GSTCD: variants seen among roughly 807,000 people sequenced by gnomAD.
GSTCD encodes glutathione S-transferase C-terminal domain-containing protein.
Under a neutral mutation model 68.3 loss-of-function variants are expected in GSTCD, and 44 were observed. That is an observed-to-expected ratio of 0.64 (90% CI 0.51 to 0.83). The LOEUF is 0.83. GSTCD is among the 40% of genes least tolerant of loss of function. The pLI is 0.00. For missense variants in GSTCD, 739 were observed against 735.9 expected (o/e 1.00, Z -0.05); for synonymous variants, 273 against 255.2 (o/e 1.07, Z -0.67).
chr4:105,825,727 A>G lies in GSTCD; in HGVS notation c.1457A>G (p.Asp486Gly), dbSNP rs781710899. 2 of 1,535,712 alleles carry G rather than the reference A, an allele frequency of 1.3e-6. No homozygotes were observed. The highest frequency in any genetic ancestry group is 1.8e-6 in the Non-Finnish European group (2 of 1,109,758). ...LSLIRAKKRS[D>G]ELGLSNIWFI... Reference sequence around the variant, plus strand: ...TTAATTCGTGCTAAGAAGAGAAGTGATGAACTGGGTTTAAGCAACATTTGG... The same window carrying G: ...TTAATTCGTGCTAAGAAGAGAAGTGGTGAACTGGGTTTAAGCAACATTTGG... Residue 486 changes from aspartate to glycine, a missense_variant, in exon 8 of 12, where the codon GAT becomes GGT. Physicochemically the swap from Asp to Gly is moderately conservative, Grantham distance 94. Transcript: ENST00000515279.
chr4:105,812,007 T>C (rs1050887094), intron 5 of GSTCD, among the ~76,000 whole-genome samples: 2 of 152,184 alleles, frequency 1.3e-5, no homozygotes, highest in Admixed American at 6.5e-5. Context: ...AGGCATATAT[T>C]AAGAATGCAA....
chr4:105,726,020 A>G (rs939666817), intron 3 of GSTCD, among the ~76,000 whole-genome samples: 2 of 152,056 alleles, frequency 1.3e-5, no homozygotes, highest in African/African-American at 2.4e-5. Flanking sequence ...AAACCTAGCA[A>G]TTTGACTCTT....
intron 5 of GSTCD, among the ~76,000 whole-genome samples, chr4:105,748,391 A>G (rs1404055050): frequency 1.3e-5 from 2 of 152,158 alleles, no homozygotes; most frequent in African/African-American, 2.4e-5. Flanking sequence ...TCTCTAAGTT[A>G]TATTTAGCTT....
rs1042595346 is a variant in GSTCD, at chr4:105,755,085, A to T, written c.1240+25586A>T. Among the ~76,000 whole-genome samples the T allele has an allele frequency of 4.0e-3, 325 of 81,042 alleles. 2 individuals are homozygous for T. The highest frequency in any genetic ancestry group is 0.027 in the Middle Eastern group (4 of 148). 53.2% of individuals were successfully genotyped at this position (81,042 alleles called of 152,430 possible). On this transcript the variant is annotated intron_variant, in intron 5 of 11. Transcript: ENST00000515279. ...AAAAAAAAAAAAAAAAAAAAAAAAA[A>T]AAAAAAAAAAAAAATTAGCTGGTGT... is the stretch of plus-strand genomic sequence containing the variant.
In GSTCD at chr4:105,764,400, A is replaced by G. The variant is rs140228551; in HGVS notation, c.1240+34901A>G. ...ATGAGTGGCTGCAACAGATTTAGAG[A>G]AAGATGTGGGATAATTACTCCTCTC... On this transcript the variant is annotated intron_variant, in intron 5 of 11. Coordinates refer to ENST00000515279, the MANE Select transcript of GSTCD (RefSeq NM_001370181.1). 7.9e-3 allele frequency among the ~76,000 whole-genome samples: 1,208 copies of G among 152,296 alleles called. 12 individuals carry two copies. Among genetic ancestry groups the G allele is most frequent in the African/African-American group, 0.027 (1,113 of 41,570 alleles).
rs182008504 is a variant in GSTCD, at chr4:105,720,895, A to T, written c.894+1368A>T. 1.6e-3 allele frequency among the ~76,000 whole-genome samples: 238 copies of T among 152,318 alleles called. 1 individual carries two copies. The highest frequency in any genetic ancestry group is 6.8e-3 in the Middle Eastern group (2 of 294). On this transcript the variant is annotated intron_variant, in intron 3 of 11. Transcript: ENST00000515279. The stretch of plus-strand genomic sequence containing the variant: ...TGGCATATCCATTCCTTTATTGAAG[A>T]AATTTATTAAAATTATTTGAATACA...
chr4:105,794,813 A>G (rs544858849), intron 5 of GSTCD, among the ~76,000 whole-genome samples: 2 of 150,520 alleles, frequency 1.3e-5, no homozygotes, highest in African/African-American at 4.9e-5. Flanking sequence ...ACTTTTTATT[A>G]TTTCTGCTTT....
intron 4 of GSTCD, among the ~76,000 whole-genome samples, 198 bp downstream of exon 4, chr4:105,727,028 A>G (rs918452297): frequency 1.3e-5 from 2 of 150,026 alleles, no homozygotes; most frequent in Non-Finnish European, 3.0e-5. Context: ...TTTTAGTATT[A>G]TGTATTTTTG....
intron 5 of GSTCD, among the ~76,000 whole-genome samples, chr4:105,763,945 A>C (rs1383412589): frequency 6.7e-6 from 1 of 148,898 alleles, no homozygotes; most frequent in Non-Finnish European, 1.5e-5. Context: ...TATTGGTCAC[A>C]AAAAAAAAAG....
chr4:105,791,880 G>T (rs1735690055), intron 5 of GSTCD, among the ~76,000 whole-genome samples: 1 of 151,882 alleles, frequency 6.6e-6, no homozygotes, highest in African/African-American at 2.4e-5. Flanking sequence ...CTAGACCAAA[G>T]GAAATATATA....
chr4:105,730,435 C>T (rs982369450), intron 5 of GSTCD, among the ~76,000 whole-genome samples: 2 of 152,214 alleles, frequency 1.3e-5, no homozygotes, highest in African/African-American at 2.4e-5. Flanking sequence ...GATCACCATT[C>T]TAACTGGTGT....
chr4:105,792,349 ATTTT>A (rs1003110804), intron 5 of GSTCD, among the ~76,000 whole-genome samples: 6 of 151,986 alleles, frequency 3.9e-5, no homozygotes, highest in Non-Finnish European at 8.8e-5. Flanking sequence ...AGTTTACTTC[ATTTT>A]TTTATATGGT....
rs182589052 is a variant in GSTCD at position 105,774,697 on chromosome 4, G to A, written c.1240+45198G>A. Among the ~76,000 whole-genome samples the A allele has an allele frequency of 5.9e-5, 9 of 152,318 alleles. No individual in the cohort carries two copies. In the East Asian group the frequency reaches 1.7e-3, roughly 29 times the overall value. On this transcript the variant is annotated intron_variant, in intron 5 of 11. Coordinates refer to ENST00000515279, the MANE Select transcript of GSTCD (RefSeq NM_001370181.1). ...ATTGGTCCCCACTCTCTTCTGGCTT[G>A]TAGGTTTTCTTCAGAGAGATCCGCT...
chr4:105,747,569 A>G (rs1406347421), intron 5 of GSTCD, among the ~76,000 whole-genome samples: 7 of 152,218 alleles, frequency 4.6e-5, no homozygotes, highest in Admixed American at 4.6e-4. Flanking sequence ...ACCTGTCCAA[A>G]TATTTCTTTA....
chr4:105,776,655 T>C (rs2553448), intron 5 of GSTCD, among the ~76,000 whole-genome samples: 139,248 of 152,136 alleles, frequency 0.92, 63,749 homozygotes, highest in East Asian at 0.96. Context: ...AACTCACCTC[T>C]GTGGGCTGTA....
chr4:105,819,275 C>A (rs1723158442), intron 5 of GSTCD, among the ~76,000 whole-genome samples: 1 of 151,848 alleles, frequency 6.6e-6, no homozygotes, highest in Middle Eastern at 3.4e-3. Flanking sequence ...TCTTGGTATG[C>A]CTTCCCCATC....
chr4:105,797,068 G>GTGTGTT (rs1389757863), intron 5 of GSTCD, among the ~76,000 whole-genome samples: 1 of 151,298 alleles, frequency 6.6e-6, no homozygotes, highest in Non-Finnish European at 1.5e-5. Flanking sequence ...GTGTGTGTGT[G>GTGTGTT]TGTGTGTGTG....
intron 5 of GSTCD, among the ~76,000 whole-genome samples, chr4:105,759,615 G>A (rs188897360): frequency 1.3e-5 from 2 of 152,224 alleles, no homozygotes; most frequent in Non-Finnish European, 2.9e-5. Flanking sequence ...GAGATTTAAT[G>A]AATACTGAAA....
At chr4:105,760,809 C>CAGCT (rs1299037604) in intron 5 of GSTCD, among the ~76,000 whole-genome samples, 2 of 152,068 alleles carry the variant, frequency 1.3e-5, no homozygotes, top group African/African-American at 4.8e-5. Flanking sequence ...TAGTTGAGAA[C>CAGCT]AGCTCACTGA....
Sources: gnomAD v4.1 joint callset for allele counts (sites outside exome capture counted in the v4.1 genomes callset) on GRCh38, gnomAD v4.1.1 for gene constraint, MANE v1.5 for transcripts, NCBI Gene and HGNC (gene_info 2026-07-23, HGNC 2026-07-21) for gene names.